The following RAB10 variants were observed in gnomAD, a reference collection of about 807,000 sequenced individuals.
The protein encoded by RAB10 is RAB10, member RAS oncogene family.
Under a neutral mutation model 25.7 loss-of-function variants are expected in RAB10, and 5 were observed. That is an observed-to-expected ratio of 0.19 (90% CI 0.10 to 0.41). RAB10 has a LOEUF of 0.41. Ranked by LOEUF, RAB10 falls within the 10% of genes least tolerant of loss-of-function variation. The probability of loss-of-function intolerance (pLI) is 1.00; values close to 1 mark genes in which losing one functional copy is unlikely to be tolerated. For missense variants in RAB10, 103 were observed against 245.8 expected, an observed-to-expected ratio of 0.42 and a Z score of 3.89; for synonymous variants, 89 against 86.4, an observed-to-expected ratio of 1.03 and a Z score of -0.16.
At chr2:26,110,783 G>A (rs1001653459) in intron 3 of RAB10, among the ~76,000 whole-genome samples, 11 of 152,008 alleles carry the variant, frequency 7.2e-5, no homozygotes, top group South Asian at 6.2e-4. Context: ...TTGGCTCACT[G>A]CAATCTCTGC....
intron 3 of RAB10, among the ~76,000 whole-genome samples, chr2:26,116,918 TC>T (rs1406416758): frequency 6.6e-6 from 1 of 151,886 alleles, no homozygotes; most frequent in Non-Finnish European, 1.5e-5. Flanking sequence ...AGGAGGCTGG[TC>T]TCAAATTCCT....
chr2:26,076,868 C>T (rs1033972698), intron 1 of RAB10, among the ~76,000 whole-genome samples: 9 of 149,472 alleles, frequency 6.0e-5, no homozygotes, highest in African/African-American at 1.2e-4. Context: ...CACTTGAACC[C>T]GGGAGGCGGA....
chr2:26,123,820 A>T (rs954849347), intron 3 of RAB10, among the ~76,000 whole-genome samples: 1 of 152,220 alleles, frequency 6.6e-6, no homozygotes, highest in Non-Finnish European at 1.5e-5. Context: ...TTGGTTTTGT[A>T]TAGAAATATT....
chr2:26,054,659 T>C (rs577040946), intron 1 of RAB10, among the ~76,000 whole-genome samples: 1 of 152,370 alleles, frequency 6.6e-6, no homozygotes, highest in South Asian at 2.1e-4. Context: ...TTAAAACTTT[T>C]TCGTTATTTT....
chr2:26,111,724 G>A (rs1253229209), intron 3 of RAB10, among the ~76,000 whole-genome samples: 1 of 152,140 alleles, frequency 6.6e-6, no homozygotes, highest in Non-Finnish European at 1.5e-5. Flanking sequence ...ATTCTGCAGT[G>A]TGTTTCCAAC....
chr2:26,127,002 A>T, intron 3 of RAB10, 142 bp from the exon 4 acceptor site: 1 of 565,902 alleles, frequency 1.8e-6, no homozygotes, highest in Non-Finnish European at 3.1e-6. Context: ...GGCTTTTAGT[A>T]TGGAGTAGTT....
At chr2:26,053,572 T>C (rs913812583) in intron 1 of RAB10, among the ~76,000 whole-genome samples, 4 of 152,232 alleles carry the variant, frequency 2.6e-5, no homozygotes, top group African/African-American at 9.6e-5. Flanking sequence ...TAAGTTATCA[T>C]TCTTGATTTT....
At chr2:26,086,662 C>A (rs923214932) in intron 1 of RAB10, among the ~76,000 whole-genome samples, 6 of 152,148 alleles carry the variant, frequency 3.9e-5, no homozygotes, top group African/African-American at 1.4e-4. Context: ...CAGCTCTATT[C>A]ATAAAAGCCA....
chr2:26,101,805 C>G (rs1305620182), intron 2 of RAB10: 1 of 152,226 alleles, frequency 6.6e-6, no homozygotes, highest in Non-Finnish European at 1.5e-5. Flanking sequence ...TGTGACAAAT[C>G]CCTTGAACCT....
intron 3 of RAB10, among the ~76,000 whole-genome samples, chr2:26,110,127 A>G (rs1268830174): frequency 6.6e-6 from 1 of 152,124 alleles, no homozygotes; most frequent in East Asian, 1.9e-4. Flanking sequence ...ACCTGAGGTC[A>G]GGAGCTAAAG....
chr2:26,081,628 G>A (rs753465975), intron 1 of RAB10, among the ~76,000 whole-genome samples: 18 of 152,256 alleles, frequency 1.2e-4, no homozygotes, highest in African/African-American at 2.2e-4. Flanking sequence ...TCTGATTGAC[G>A]TACTTGGGTT....
At chr2:26,112,378 C>G (rs747154640) in intron 3 of RAB10, among the ~76,000 whole-genome samples, 11 of 152,094 alleles carry the variant, frequency 7.2e-5, no homozygotes, top group Non-Finnish European at 1.6e-4. Flanking sequence ...TAGATAGGAG[C>G]CTTGTCATCA....
chr2:26,110,825 T>G (rs556875929), intron 3 of RAB10, among the ~76,000 whole-genome samples: 1 of 152,042 alleles, frequency 6.6e-6, no homozygotes, highest in South Asian at 2.1e-4. Flanking sequence ...AGTGTCTTAG[T>G]GTCTTGAGTA....
chr2:26,039,855 A>G (rs1404736995), intron 1 of RAB10, among the ~76,000 whole-genome samples: 1 of 152,004 alleles, frequency 6.6e-6, no homozygotes, highest in Non-Finnish European at 1.5e-5. Flanking sequence ...TGTATGAAAA[A>G]AAAATTAAAA....
intron 1 of RAB10, among the ~76,000 whole-genome samples, chr2:26,049,262 C>T (rs1300071939): frequency 1.4e-5 from 2 of 145,612 alleles, no homozygotes; most frequent in Non-Finnish European, 3.0e-5. Context: ...AAGGCCTTTT[C>T]CCCTCTCCTA....
chr2:26,098,361 C>T (rs556202257), intron 1 of RAB10, among the ~76,000 whole-genome samples: 1 of 152,064 alleles, frequency 6.6e-6, no homozygotes, highest in African/African-American at 2.4e-5. Flanking sequence ...TGGTCTCGAA[C>T]GCCTGGGCTT....
chr2:26,096,273 A>G (rs972179903), intron 1 of RAB10, among the ~76,000 whole-genome samples: 4 of 152,172 alleles, frequency 2.6e-5, no homozygotes, highest in African/African-American at 9.7e-5. Flanking sequence ...CAAATGGACT[A>G]TTGCTGTCAT....
At chr2:26,043,248 G>A (rs1422292075) in intron 1 of RAB10, among the ~76,000 whole-genome samples, 1 of 152,142 alleles carries the variant, frequency 6.6e-6, no homozygotes, top group Non-Finnish European at 1.5e-5. Flanking sequence ...GTGAGATCCT[G>A]TCTCTACCAA....
At chr2:26,110,606 A>G in intron 3 of RAB10, among the ~76,000 whole-genome samples, 1 of 152,226 alleles carries the variant, frequency 6.6e-6, no homozygotes, top group East Asian at 1.9e-4. Context: ...TAGAAATATA[A>G]TATTGCTTCT....
Sources: allele counts gnomAD v4.1 joint callset (sites outside exome capture counted in the v4.1 genomes callset), GRCh38; gene constraint gnomAD v4.1.1; transcripts MANE v1.5; gene names NCBI Gene and HGNC (gene_info 2026-07-23, HGNC 2026-07-21).